DMRT1: variants seen among roughly 807,000 people sequenced by gnomAD.
DMRT1 encodes doublesex and mab-3 related transcription factor 1.
A neutral mutation model predicts 32.3 loss-of-function variants in DMRT1; 7 were observed. That is an observed-to-expected ratio of 0.22 (90% CI 0.12 to 0.41). The LOEUF (loss-of-function observed/expected upper bound fraction) is 0.41, where lower values mean the gene tolerates loss of function less well. DMRT1 is among the 10% of genes least tolerant of loss of function. The pLI, the probability that DMRT1 is intolerant of heterozygous loss-of-function variation, is 1.00. For synonymous variants in DMRT1, 278 were observed against 206.1 expected, an observed-to-expected ratio of 1.35 and a Z score of -2.99; for missense variants, 625 against 500.5, an observed-to-expected ratio of 1.25 and a Z score of -2.37.
chr9:871,197 G>C (rs969968788), intron 2 of DMRT1, among the ~76,000 whole-genome samples: 1 of 150,968 alleles, frequency 6.6e-6, no homozygotes, highest in Non-Finnish European at 1.5e-5. Flanking sequence ...CACCATGCCC[G>C]GCTAATTTTT....
At chr9:947,474 C>G (rs1342942239) in intron 4 of DMRT1, among the ~76,000 whole-genome samples, 1 of 152,138 alleles carries the variant, frequency 6.6e-6, no homozygotes, top group Non-Finnish European at 1.5e-5. Flanking sequence ...CTAAATTATC[C>G]TCTCTTGTTT....
At chr9:899,852 A>C (rs988413668) in intron 3 of DMRT1, among the ~76,000 whole-genome samples, 2 of 152,172 alleles carry the variant, frequency 1.3e-5, no homozygotes, top group Non-Finnish European at 2.9e-5. Flanking sequence ...CGCCCTCTTG[A>C]CTGCTTTTCC....
chr9:919,560 G>A (rs1009396312), intron 4 of DMRT1, among the ~76,000 whole-genome samples: 4 of 152,180 alleles, frequency 2.6e-5, no homozygotes, highest in African/African-American at 7.2e-5. Context: ...GAGAGATGGT[G>A]GAGTCAGATC....
At chr9:885,698 C>G (rs2132637858) in intron 2 of DMRT1, among the ~76,000 whole-genome samples, 1 of 152,264 alleles carries the variant, frequency 6.6e-6, no homozygotes, top group South Asian at 2.1e-4. Flanking sequence ...TTGGGAAATG[C>G]AACATTTAGG....
chr9:916,165 C>T (rs1040523475), intron 3 of DMRT1, among the ~76,000 whole-genome samples: 2 of 152,184 alleles, frequency 1.3e-5, no homozygotes, highest in Admixed American at 6.5e-5. Context: ...GTTAGTGTTA[C>T]AGCAGATTGT....
At chr9:901,623 GGCTGCCTGA>G (rs1564237057) in intron 3 of DMRT1, among the ~76,000 whole-genome samples, 3 of 151,824 alleles carry the variant, frequency 2.0e-5, no homozygotes. Flanking sequence ...CACCGCGCCC[GGCTGCCTGA>G]CCAATTTTTA....
chr9:893,478 G>A (rs145733391), intron 2 of DMRT1, among the ~76,000 whole-genome samples: 99 of 152,350 alleles, frequency 6.5e-4, no homozygotes, highest in African/African-American at 2.3e-3. Context: ...TAAGGAAACA[G>A]GTGTTCACCT....
At chr9:846,139 C>G (rs1221039967) in intron 1 of DMRT1, among the ~76,000 whole-genome samples, 1 of 150,826 alleles carries the variant, frequency 6.6e-6, no homozygotes, top group Non-Finnish European at 1.5e-5. Context: ...TCAAGCAATT[C>G]CCCTGCCTCA....
Position 841,902 on chromosome 9 carries a change from G to T in DMRT1, c.64G>T (p.Val22Leu), listed in dbSNP as rs1490020850. 4 of 1,611,402 alleles carry T rather than the reference G, an allele frequency of 2.5e-6. No individual in the cohort carries two copies. Among genetic ancestry groups the T allele is most frequent in the Non-Finnish European group, 1.7e-6 (2 of 1,178,984 alleles). Residue 22 changes from valine (V) to leucine (L), a missense_variant, in exon 1 of 5, where the codon GTA becomes TTA. By Grantham distance (32) the Val-to-Leu change is conservative. This residue lies in a region of DMRT1 where 201 missense variants were observed against 152.0 expected (regional missense o/e 1.32). Transcript: ENST00000382276. Reference sequence around the variant, plus strand: ...GTCGGAAGCCCCTCACGCCCCCGGGGTACCGCCGCAGGGCAGAGCCGGGGG... The same window carrying T: ...GTCGGAAGCCCCTCACGCCCCCGGGTTACCGCCGCAGGGCAGAGCCGGGGG... Reference protein sequence around the residue: ...TPSEAPHAPGVPPQGRAGGFG... With the variant: ...TPSEAPHAPGLPPQGRAGGFG...
chr9:915,294 T>C (rs898101100), intron 3 of DMRT1, among the ~76,000 whole-genome samples: 2 of 152,162 alleles, frequency 1.3e-5, no homozygotes, highest in Non-Finnish European at 1.5e-5. Flanking sequence ...AAGTGGGTCT[T>C]ACACAATCAG....
intron 2 of DMRT1, among the ~76,000 whole-genome samples, chr9:882,945 T>C (rs959477069): frequency 6.6e-6 from 1 of 151,680 alleles, no homozygotes; most frequent in African/African-American, 2.4e-5. Context: ...CTAATTTTTG[T>C]ATTTTTAGTA....
intron 4 of DMRT1, among the ~76,000 whole-genome samples, chr9:950,155 G>A (rs1002021276): frequency 1.3e-5 from 2 of 151,966 alleles, no homozygotes; most frequent in African/African-American, 4.8e-5. Flanking sequence ...GGGAATTTGG[G>A]TCTCTTGGAT....
At chr9:843,530 C>T (rs186899316) in intron 1 of DMRT1, among the ~76,000 whole-genome samples, 41 of 152,250 alleles carry the variant, frequency 2.7e-4, no homozygotes, top group Non-Finnish European at 4.1e-4. Flanking sequence ...GAGATTTGGT[C>T]CGTCTGTGGT....
chr9:842,506 G>T (rs928656859), intron 1 of DMRT1: 1 of 364,468 alleles, frequency 2.7e-6, no homozygotes, highest in East Asian at 6.1e-5. Context: ...AAAGTGCTGG[G>T]ATTACAGGCG....
chr9:894,078 G>A lies in DMRT1; in HGVS notation c.705G>A (p.Leu235=). The A allele has an allele frequency of 6.2e-7, 1 of 1,614,242 alleles. No individual in the cohort carries two copies. The highest frequency in any genetic ancestry group is 8.5e-7 in the Non-Finnish European group (1 of 1,180,056). Residue 235 remains leucine, a synonymous_variant, in exon 3 of 5, where the codon TTG becomes TTA. Transcript: ENST00000382276. ...LYNCPQYSMA[L]AADSASGEVG... is the part of the protein sequence containing the mutation. Reference sequence around the variant, plus strand: ...ACTGCCCGCAGTACTCCATGGCCTTGGCTGCTGATTCTGCTTCTGGGGAGG... The same window carrying A: ...ACTGCCCGCAGTACTCCATGGCCTTAGCTGCTGATTCTGCTTCTGGGGAGG...
intron 4 of DMRT1, among the ~76,000 whole-genome samples, chr9:952,362 A>G (rs1203815782): frequency 2.6e-5 from 4 of 152,208 alleles, no homozygotes; most frequent in African/African-American, 9.6e-5. Flanking sequence ...CTCGGCTCCC[A>G]AAGAGGCTCT....
intron 2 of DMRT1, among the ~76,000 whole-genome samples, chr9:857,673 C>T (rs62529791): frequency 1.3e-5 from 2 of 151,488 alleles, no homozygotes; most frequent in East Asian, 1.9e-4. Flanking sequence ...ATGTGCACAA[C>T]GTGCAGGTTA....
chr9:879,475 T>A (rs1304729618), intron 2 of DMRT1, among the ~76,000 whole-genome samples: 3 of 152,250 alleles, frequency 2.0e-5, no homozygotes, highest in African/African-American at 7.2e-5. Flanking sequence ...TTTGCATAGC[T>A]GCTGCTTCAG....
intron 4 of DMRT1, among the ~76,000 whole-genome samples, chr9:937,542 A>G (rs1293903000): frequency 1.3e-5 from 2 of 152,106 alleles, no homozygotes; most frequent in Non-Finnish European, 2.9e-5. Flanking sequence ...AGCCTTCCTA[A>G]TGGGTGTAAA....
Sources: gnomAD v4.1 joint callset for allele counts (sites outside exome capture counted in the v4.1 genomes callset) on GRCh38, gnomAD v4.1.1 for gene constraint, gnomAD v4.1.1 regional missense constraint, MANE v1.5 for transcripts, NCBI Gene and HGNC (gene_info 2026-07-23, HGNC 2026-07-21) for gene names.